Variants in PATJ observed in about 807,000 individuals in gnomAD.
PATJ encodes inaD-like protein.
In PATJ, 190 loss-of-function variants were observed where a neutral mutation model predicts 224.9. That is an observed-to-expected ratio of 0.84 (90% CI 0.75 to 0.95). The LOEUF (loss-of-function observed/expected upper bound fraction) is 0.95, where lower values mean the gene tolerates loss of function less well. PATJ is among the 40% of genes least tolerant of loss of function. PATJ has a pLI of 0.00. For missense variants in PATJ, 2,121 were observed against 2,270.3 expected, an observed-to-expected ratio of 0.93 and a Z score of 1.34; for synonymous variants, 769 against 820.3, an observed-to-expected ratio of 0.94 and a Z score of 1.07.
intron 33 of PATJ, among the ~76,000 whole-genome samples, chr1:62,095,337 T>G (rs1661273965): frequency 6.6e-6 from 1 of 152,206 alleles, no homozygotes; most frequent in East Asian, 1.9e-4. Flanking sequence ...TTGCTTCTCA[T>G]GAATCAATGA....
chr1:61,916,777 G>A (rs1213382986), intron 26 of PATJ, among the ~76,000 whole-genome samples: 1 of 152,132 alleles, frequency 6.6e-6, no homozygotes, highest in Admixed American at 6.5e-5. Context: ...AAAATTTGGA[G>A]GCTAGAGTCT....
intron 28 of PATJ, among the ~76,000 whole-genome samples, chr1:62,001,473 C>G (rs1396101701): frequency 1.3e-5 from 2 of 150,012 alleles, no homozygotes; most frequent in African/African-American, 2.4e-5. Context: ...TTATTTTTCT[C>G]AGGTTTGTCA....
chr1:62,083,973 G>T (rs1241494850), intron 32 of PATJ, among the ~76,000 whole-genome samples: 3 of 152,044 alleles, frequency 2.0e-5, no homozygotes, highest in Non-Finnish European at 4.4e-5. Context: ...AAAACTTTTA[G>T]CCAGGTGCAG....
At chr1:62,108,399 G>A in intron 33 of PATJ, 38 bp from the exon 34 acceptor site, 2 of 1,317,074 alleles carry the variant, frequency 1.5e-6, no homozygotes, top group Non-Finnish European at 2.2e-6. Flanking sequence ...GGAAGCATTT[G>A]TGGTTGTTGA....
In PATJ at chr1:61,932,097, A is replaced by G. The variant is rs1400790053; in HGVS notation, c.3670+4268A>G. Among the ~76,000 whole-genome samples the G allele has an allele frequency of 2.0e-5, 3 of 152,192 alleles. No individual in the cohort carries two copies. The East Asian group carries it at 5.8e-4, about 29-fold the overall frequency. ...ACACTAATTTAGATCCATGGCTTTC[A>G]AACTTCAGTGTGCCTCAGGAGGTTC... On this transcript the variant is annotated intron_variant, in intron 27 of 43. Transcript: ENST00000642238.
rs1001758519 is a variant in PATJ at position 61,897,853 on chromosome 1, G to T, written c.3132-1730G>T. The stretch of plus-strand genomic sequence containing the variant: ...GTAACCAGCAAGGGTCTGCCAAGTT[G>T]TTTTCCCCTAATGCTGTGATACTTT... On this transcript the variant is annotated intron_variant, in intron 22 of 43. Coordinates refer to ENST00000642238, the MANE Select transcript of PATJ (RefSeq NM_001350145.3). 5.6e-4 allele frequency among the ~76,000 whole-genome samples: 22 copies of T among 39,342 alleles called. No individual in the cohort carries two copies. The Admixed American group carries it at 7.7e-3, about 14-fold the overall frequency. 25.8% of individuals were successfully genotyped at this position (39,342 alleles called of 152,430 possible).
chr1:61,860,762 G>T (rs749217700), intron 18 of PATJ, among the ~76,000 whole-genome samples: 5 of 151,892 alleles, frequency 3.3e-5, no homozygotes, highest in Non-Finnish European at 7.4e-5. Context: ...GGGCAGTGGA[G>T]GTTGCAGTGA....
At chr1:61,760,357 C>G (rs1469494211) in intron 1 of PATJ, among the ~76,000 whole-genome samples, 1 of 152,026 alleles carries the variant, frequency 6.6e-6, no homozygotes, top group Non-Finnish European at 1.5e-5. Context: ...GTCATTCAGC[C>G]ACCATATCCA....
intron 3 of PATJ, among the ~76,000 whole-genome samples, chr1:61,764,850 G>A (rs1646169435): frequency 6.6e-6 from 1 of 152,008 alleles, no homozygotes; most frequent in African/African-American, 2.4e-5. Flanking sequence ...TCACAATAGT[G>A]AATGCTGTTG....
intron 12 of PATJ, among the ~76,000 whole-genome samples, chr1:61,804,498 A>G (rs1171702723): frequency 6.6e-6 from 1 of 152,184 alleles, no homozygotes; most frequent in Non-Finnish European, 1.5e-5. Flanking sequence ...CTGATACTGC[A>G]AGTTAACATT....
intron 17 of PATJ, among the ~76,000 whole-genome samples, chr1:61,843,246 C>T (rs970361948): frequency 6.6e-6 from 1 of 152,156 alleles, no homozygotes; most frequent in African/African-American, 2.4e-5. Flanking sequence ...TTACATTTAT[C>T]AGTACAGCAC....
intron 28 of PATJ, among the ~76,000 whole-genome samples, chr1:62,003,561 G>A (rs184187962): frequency 3.3e-5 from 5 of 152,284 alleles, no homozygotes; most frequent in East Asian, 1.9e-4. Flanking sequence ...TCAGCACTGC[G>A]ATTTCCATTA....
At chr1:61,881,763 G>T (rs549536170) in intron 21 of PATJ, among the ~76,000 whole-genome samples, 3 of 151,898 alleles carry the variant, frequency 2.0e-5, no homozygotes, top group Non-Finnish European at 2.9e-5. Flanking sequence ...ATTATTTTAG[G>T]CCTCCCATTT....
At chr1:61,881,573 G>A (rs1205114206) in intron 21 of PATJ, among the ~76,000 whole-genome samples, 2 of 151,798 alleles carry the variant, frequency 1.3e-5, no homozygotes, top group Non-Finnish European at 2.9e-5. Flanking sequence ...CACCACGCCT[G>A]GCTAATTTTT....
chr1:61,988,703 A>T (rs1557999142), intron 27 of PATJ, among the ~76,000 whole-genome samples: 1 of 152,160 alleles, frequency 6.6e-6, no homozygotes, highest in Non-Finnish European at 1.5e-5. Flanking sequence ...CTTGTGCTTT[A>T]TTCTTTTATT....
intron 33 of PATJ, among the ~76,000 whole-genome samples, chr1:62,096,079 C>G (rs533117599): frequency 5.3e-5 from 8 of 151,946 alleles, no homozygotes; most frequent in African/African-American, 1.9e-4. Flanking sequence ...AGAAAAAGCA[C>G]AAAAATTAAA....
intron 1 of PATJ, among the ~76,000 whole-genome samples, chr1:61,756,569 T>G (rs1645652789): frequency 1.4e-5 from 2 of 143,400 alleles, no homozygotes; most frequent in South Asian, 4.6e-4. Context: ...GACACTTTTT[T>G]TTTTTTTTTT....
In PATJ at chr1:61,886,505, G is replaced by T. The variant is rs112038303; in HGVS notation, c.3131+2097G>T. Among the ~76,000 whole-genome samples the T allele has an allele frequency of 1.2e-3, 190 of 152,182 alleles. 1 individual carries two copies. The highest frequency in any genetic ancestry group is 4.2e-3 in the African/African-American group (176 of 41,520). On this transcript the variant is annotated intron_variant, in intron 22 of 43. Transcript: ENST00000642238. ...CAAGGTTAAAAATTGGACACAGAAAGAGCTGACTAGTGTTTTGAAAATCCT... is the reference window on the plus strand; with the variant it reads ...CAAGGTTAAAAATTGGACACAGAAATAGCTGACTAGTGTTTTGAAAATCCT...
intron 30 of PATJ, among the ~76,000 whole-genome samples, chr1:62,041,448 G>C (rs965292609): frequency 2.0e-5 from 3 of 152,180 alleles, no homozygotes; most frequent in Non-Finnish European, 4.4e-5. Context: ...GCTCCAGTGA[G>C]GCCCTAATGT....
Sources: gnomAD v4.1 joint callset for allele counts (sites outside exome capture counted in the v4.1 genomes callset) on GRCh38, gnomAD v4.1.1 for gene constraint, MANE v1.5 for transcripts, NCBI Gene and HGNC (gene_info 2026-07-23, HGNC 2026-07-21) for gene names.